The following MTUS1 variants were observed in gnomAD, a reference collection of about 807,000 sequenced individuals.
MTUS1 encodes microtubule associated scaffold protein 1.
A neutral mutation model predicts 120.8 loss-of-function variants in MTUS1; 109 were observed. The ratio of observed to expected loss-of-function variants is 0.90; its 90% CI spans 0.77 to 1.06. The LOEUF is 1.06. Ranked by LOEUF, MTUS1 falls within the 50% of genes least tolerant of loss-of-function variation. The pLI, the probability that MTUS1 is intolerant of heterozygous loss-of-function variation, is 0.00. For synonymous variants in MTUS1, 737 were observed against 550.5 expected, an observed-to-expected ratio of 1.34 and a Z score of -4.74; for missense variants, 2,210 against 1,486.3, an observed-to-expected ratio of 1.49 and a Z score of -8.01.
intron 6 of MTUS1, among the ~76,000 whole-genome samples, chr8:17,695,319 G>A (rs191573872): frequency 2.0e-5 from 3 of 152,044 alleles, no homozygotes; most frequent in Non-Finnish European, 2.9e-5. Flanking sequence ...AAATATGTAC[G>A]CCAAAAATTC....
Position 17,743,673 on chromosome 8 carries a change from T to G in MTUS1, c.2218A>C (p.Ser740Arg), listed in dbSNP as rs1248573123. ...TCAGCACTGGGATTTCTATTGTCAC[T>G]GTTCCGCCTCAAACAGGAAACAGGG... ...GPPVSCLRRNSDNRNPSADRA... is the reference protein window; with the variant it reads ...GPPVSCLRRNRDNRNPSADRA... Residue 740 changes from serine to arginine, a missense_variant, in exon 3 of 15, where the codon AGT becomes CGT. Ser to Arg is a moderately radical substitution (Grantham distance 110). Transcript: ENST00000693296. The G allele has an allele frequency of 6.2e-7, 1 of 1,614,222 alleles. No individual in the cohort carries two copies. Among genetic ancestry groups the G allele is most frequent in the South Asian group, 1.1e-5 (1 of 91,084 alleles).
rs377140441 is a variant in MTUS1, at chr8:17,646,969, G to A, written c.3599+13C>T. 8.1e-6 allele frequency: 13 copies of A among 1,606,850 alleles called. No individual in the cohort carries two copies. In the African/African-American group the frequency reaches 1.7e-4, roughly 21 times the overall value. On this transcript the variant is annotated intron_variant, in intron 14 of 14. Coordinates refer to ENST00000693296, the MANE Select transcript of MTUS1 (RefSeq NM_001363059.2). ...CGGGGAGCTCGGGAGAAACAGCACT[G>A]TTTTATTTTTACCTTGAGATTGCCA...
In MTUS1 at chr8:17,653,247, G is replaced by T. The variant is rs1208398892; in HGVS notation, c.3323C>A (p.Ala1108Asp). Residue 1108 changes from alanine (A) to aspartate (D), a missense_variant, in exon 12 of 15, where the codon GCT becomes GAT. By Grantham distance (126) the Ala-to-Asp change is moderately radical. Coordinates refer to ENST00000693296, the MANE Select transcript of MTUS1 (RefSeq NM_001363059.2). ...TTCTGATTTCAATTTTTCATTTAAAGCATCATTTTCACTCTTCAGATCATT... is the reference window on the plus strand; with the variant it reads ...TTCTGATTTCAATTTTTCATTTAAATCATCATTTTCACTCTTCAGATCATT... Reference protein sequence around the residue: ...QINDLKSENDALNEKLKSEEQ... With the variant: ...QINDLKSENDDLNEKLKSEEQ... 2 of 1,556,778 alleles carry T rather than the reference G, an allele frequency of 1.3e-6. No homozygotes were observed. The highest frequency in any genetic ancestry group is 1.7e-6 in the Non-Finnish European group (2 of 1,156,366).
At chr8:17,739,867 G>A (rs567789370) in intron 3 of MTUS1, among the ~76,000 whole-genome samples, 53 of 152,274 alleles carry the variant, frequency 3.5e-4, no homozygotes, top group African/African-American at 1.0e-3. Flanking sequence ...TTCCAAAGAA[G>A]CAAAGGTAGT....
chr8:17,664,351 A>T (rs1041324996), intron 8 of MTUS1, among the ~76,000 whole-genome samples: 1 of 152,174 alleles, frequency 6.6e-6, no homozygotes, highest in Non-Finnish European at 1.5e-5. Context: ...ATACCATAGA[A>T]AGAAGAGACG....
chr8:17,670,246 C>G (rs7015038), intron 8 of MTUS1, among the ~76,000 whole-genome samples: 109,861 of 152,110 alleles, frequency 0.72, 40,679 homozygotes, highest in East Asian at 0.88. Context: ...GACTGGCTCA[C>G]CTGGGGGCAG....
intron 5 of MTUS1, 45 bp from the exon 6 acceptor site, chr8:17,713,297 C>T (rs1359325971): frequency 1.8e-6 from 2 of 1,098,490 alleles, no homozygotes; most frequent in Admixed American, 2.0e-5. Context: ...TTTTATTTGA[C>T]ATATCACATA....
rs190048401 is a variant in MTUS1, at chr8:17,653,574, T to C, written c.3215-76A>G. 8 of 1,040,858 alleles carry C rather than the reference T, an allele frequency of 7.7e-6. No homozygotes were observed. The Admixed American group carries it at 1.3e-4, about 16-fold the overall frequency. 64.5% of individuals were successfully genotyped at this position (1,040,858 alleles called of 1,614,324 possible). On this transcript the variant is annotated intron_variant, in intron 10 of 14. Coordinates refer to ENST00000693296, the MANE Select transcript of MTUS1 (RefSeq NM_001363059.2). ...TGTACTCTAAAACAGTTAAAGCATATAGATGTAGGGGTTGATGATGAAGCC... is the reference window on the plus strand; with the variant it reads ...TGTACTCTAAAACAGTTAAAGCATACAGATGTAGGGGTTGATGATGAAGCC...
intron 1 of MTUS1, among the ~76,000 whole-genome samples, chr8:17,769,055 T>C (rs1312932209): frequency 1.3e-5 from 2 of 152,016 alleles, no homozygotes; most frequent in African/African-American, 2.4e-5. Context: ...AAAAAGCCTC[T>C]GCTTGGGGGT....
rs1174210221 is a variant in MTUS1 at position 17,754,146 on chromosome 8, G to T, written c.1662C>A (p.Ser554Arg). 3.1e-6 allele frequency: 5 copies of T among 1,613,376 alleles called. No individual in the cohort carries two copies. In the Admixed American group the frequency reaches 8.3e-5, roughly 27 times the overall value. Residue 554 changes from serine to arginine, a missense_variant, in exon 2 of 15, where the codon AGC (serine) becomes AGA (arginine). Transcript: ENST00000693296. ...SVNSRQQTVL[S>R]RTPRSDLNAD... ...CATTCAAGTCAGATCTCGGTGTTCTGCTCAAGACTGTTTGTTGTCTTGAAT... is the reference window on the plus strand; with the variant it reads ...CATTCAAGTCAGATCTCGGTGTTCTTCTCAAGACTGTTTGTTGTCTTGAAT...
At position 17,723,823 on chromosome 8, in the gene MTUS1, T is replaced by C. The variant is rs761339257; in HGVS notation, c.2298A>G (p.Thr766=). 6.4e-7 allele frequency: 1 copy of C among 1,572,174 alleles called. No individual in the cohort carries two copies. The highest frequency in any genetic ancestry group is 8.6e-7 in the Non-Finnish European group (1 of 1,160,334). The part of the protein sequence containing the change: ...IRRVSSSGKP[T]SLKTAQSSWV... ...ATGACGACTGTGCAGTTTTCAAGGA[T>C]GTAGGCTTTCCTTGGGGTTTAAAAA... Residue 766 remains threonine, a synonymous_variant, in exon 4 of 15, where the codon ACA becomes ACG. Coordinates refer to ENST00000693296, the MANE Select transcript of MTUS1 (RefSeq NM_001363059.2).
chr8:17,683,730 C>A (rs1382040150), intron 7 of MTUS1, among the ~76,000 whole-genome samples: 1 of 152,154 alleles, frequency 6.6e-6, no homozygotes, highest in East Asian at 1.9e-4. Flanking sequence ...ATGTCAGTAA[C>A]ATGTTGATAT....
intron 3 of MTUS1, among the ~76,000 whole-genome samples, chr8:17,734,968 C>T (rs557843555): frequency 3.9e-5 from 6 of 151,998 alleles, no homozygotes; most frequent in African/African-American, 1.4e-4. Context: ...GGCAGGAGCA[C>T]AGTGGTGCAA....
At chr8:17,701,421 G>T (rs1819055225) in intron 6 of MTUS1, among the ~76,000 whole-genome samples, 1 of 152,160 alleles carries the variant, frequency 6.6e-6, no homozygotes, top group African/African-American at 2.4e-5. Flanking sequence ...AAGATGATAA[G>T]CTCTCAAAGA....
intron 1 of MTUS1, among the ~76,000 whole-genome samples, chr8:17,790,342 C>T (rs2051670366): frequency 1.3e-5 from 1 of 78,978 alleles, no homozygotes. Context: ...AGCAAGATTC[C>T]CTTTCAAAAA....
chr8:17,709,114 G>A (rs1047554899), intron 6 of MTUS1: 1 of 150,680 alleles, frequency 6.6e-6, no homozygotes, highest in Non-Finnish European at 1.5e-5. Flanking sequence ...TCCAGCCTGG[G>A]CGACAGAGCA....
In MTUS1 at chr8:17,646,137, T is replaced by C. The variant is rs567116808; in HGVS notation, c.3602A>G (p.Gln1201Arg). Residue 1201 changes from glutamine (Q) to arginine (R), a missense_variant and splice_region_variant, in exon 15 of 15, where the codon CAG becomes CGG. By Grantham distance (43) the Gln-to-Arg change is conservative. Transcript: ENST00000693296. ...CAGAACAGCCTGCTCCGTGGAAAGC[T>C]GCCTTGAAGAAAAAGGCCAGAAACC... ...RMDKHMAISRQLSTEQAVLQE... is the reference protein window; with the variant it reads ...RMDKHMAISRRLSTEQAVLQE... 1.7e-4 allele frequency: 278 copies of C among 1,604,522 alleles called. No homozygotes were observed. Among genetic ancestry groups the C allele is most frequent in the Admixed American group, 1.5e-3 (86 of 58,150 alleles).
At chr8:17,652,071 G>C (rs1807122270) in intron 12 of MTUS1, among the ~76,000 whole-genome samples, 1 of 152,198 alleles carries the variant, frequency 6.6e-6, no homozygotes, top group African/African-American at 2.4e-5. Flanking sequence ...TTCTAGAGCT[G>C]GCCAGAGATT....
chr8:17,740,814 G>C (rs189205942), intron 3 of MTUS1, among the ~76,000 whole-genome samples: 2 of 152,176 alleles, frequency 1.3e-5, no homozygotes, highest in Admixed American at 1.3e-4. Context: ...CTGGCATCCA[G>C]ATGGCCACAT....
Sources: allele counts gnomAD v4.1 joint callset (sites outside exome capture counted in the v4.1 genomes callset), GRCh38; gene constraint gnomAD v4.1.1; transcripts MANE v1.5; gene names NCBI Gene and HGNC (gene_info 2026-07-23, HGNC 2026-07-21).